LRP1B: variants seen among roughly 807,000 people sequenced by gnomAD.
LRP1B encodes the protein LDL receptor related protein 1B, also known as low-density lipoprotein receptor-related protein 1B.
LRP1B carries 217 observed loss-of-function variants against 556.6 expected under a neutral mutation model. The observed-to-expected ratio is 0.39, with a 90% CI of 0.35 to 0.44. The LOEUF (loss-of-function observed/expected upper bound fraction) is 0.44, where lower values mean the gene tolerates loss of function less well. LRP1B is among the 20% of genes least tolerant of loss of function. The pLI is 1.00. For synonymous variants in LRP1B, 2,047 were observed against 1,865.8 expected, an observed-to-expected ratio of 1.10 and a Z score of -2.50; for missense variants, 5,053 against 5,620.8, an observed-to-expected ratio of 0.90 and a Z score of 3.23.
intron 2 of LRP1B, among the ~76,000 whole-genome samples, chr2:141,793,642 A>G (rs186952016): frequency 2.6e-5 from 4 of 152,052 alleles, no homozygotes; most frequent in Admixed American, 6.6e-5. Context: ...ACTCTTTCCA[A>G]TATATAATTA....
intron 5 of LRP1B, among the ~76,000 whole-genome samples, chr2:141,239,630 G>C (rs1683788119): frequency 6.6e-6 from 1 of 152,050 alleles, no homozygotes; most frequent in Non-Finnish European, 1.5e-5. Flanking sequence ...AGAAAAGTTA[G>C]TTTTCTAATT....
At chr2:140,451,098 C>T (rs72897878) in intron 62 of LRP1B, among the ~76,000 whole-genome samples, 36,555 of 152,064 alleles carry the variant, frequency 0.24, 4,718 homozygotes, top group Non-Finnish European at 0.28. Context: ...CATGCCACCT[C>T]GCCCAGAAAA....
intron 17 of LRP1B, among the ~76,000 whole-genome samples, chr2:140,985,041 ACT>A (rs1224142880): frequency 6.6e-6 from 1 of 152,018 alleles, no homozygotes; most frequent in Non-Finnish European, 1.5e-5. Context: ...GCCCCATAGG[ACT>A]CTAATTTTGT....
At chr2:141,847,442 A>G (rs544734285) in intron 1 of LRP1B, among the ~76,000 whole-genome samples, 108 of 151,534 alleles carry the variant, frequency 7.1e-4, no homozygotes, top group African/African-American at 2.5e-3. Flanking sequence ...TAGACAACTG[A>G]TTTTTTTTAA....
chr2:140,679,905 A>C (rs1376601274), intron 41 of LRP1B, among the ~76,000 whole-genome samples: 4 of 151,616 alleles, frequency 2.6e-5, no homozygotes, highest in African/African-American at 9.7e-5. Context: ...AGGTTTGTTT[A>C]TTTATTTATT....
At chr2:141,635,222 A>G (rs570694907) in intron 2 of LRP1B, among the ~76,000 whole-genome samples, 19 of 152,272 alleles carry the variant, frequency 1.2e-4, no homozygotes, top group African/African-American at 4.3e-4. Context: ...CCTGCATGAT[A>G]ATACTGATTA....
At chr2:141,484,103 C>G (rs1460547799) in intron 2 of LRP1B, among the ~76,000 whole-genome samples, 1 of 151,932 alleles carries the variant, frequency 6.6e-6, no homozygotes, top group Non-Finnish European at 1.5e-5. Flanking sequence ...TTAGGTCTAT[C>G]ATTAAGTCTT....
chr2:141,364,581 TA>T (rs1429045002), intron 3 of LRP1B, among the ~76,000 whole-genome samples: 1 of 152,206 alleles, frequency 6.6e-6, no homozygotes, highest in Non-Finnish European at 1.5e-5. Context: ...AGAAGGCACA[TA>T]ACATAGATTT....
At chr2:141,060,692 T>C (rs1056720233) in intron 8 of LRP1B, among the ~76,000 whole-genome samples, 4 of 151,628 alleles carry the variant, frequency 2.6e-5, no homozygotes, top group Admixed American at 6.6e-5. Flanking sequence ...GTTCACCCAG[T>C]AAAGATAAAA....
chr2:140,473,383 ACTAT>A (rs1006628849), intron 60 of LRP1B, among the ~76,000 whole-genome samples: 94 of 152,088 alleles, frequency 6.2e-4, no homozygotes, highest in African/African-American at 2.1e-3. Context: ...ATCATACTAG[ACTAT>A]CTTTCAGCCA....
intron 11 of LRP1B, among the ~76,000 whole-genome samples, chr2:141,042,212 A>G (rs1247373979): frequency 6.6e-6 from 1 of 152,152 alleles, no homozygotes; most frequent in African/African-American, 2.4e-5. Flanking sequence ...TCTCTGAAGC[A>G]AAAGGCAGGT....
chr2:141,117,190 G>C (rs1050352190), intron 7 of LRP1B, among the ~76,000 whole-genome samples: 1 of 150,008 alleles, frequency 6.7e-6, no homozygotes, highest in African/African-American at 2.4e-5. Context: ...TAAATAGAAA[G>C]ATAATATTGC....
At chr2:141,745,007 C>T (rs76291012) in intron 2 of LRP1B, among the ~76,000 whole-genome samples, 3,458 of 152,158 alleles carry the variant, frequency 0.023, 113 homozygotes, top group African/African-American at 0.07. Context: ...AGGCAGAGAC[C>T]CTAGTTCTTT....
intron 1 of LRP1B, among the ~76,000 whole-genome samples, chr2:141,886,655 A>G (rs554246285): frequency 6.6e-6 from 1 of 152,332 alleles, no homozygotes; most frequent in African/African-American, 2.4e-5. Flanking sequence ...ATCTGAACAT[A>G]GTGAAAAAGT....
Position 141,415,488 on chromosome 2 carries a change from A to C in LRP1B, c.343+64908T>G, listed in dbSNP as rs184541306. ...CTATTGTGCCCAGACTGCCCCAAATAAAATATATTTTTTACAGATCTATAA... is the reference window on the plus strand; with the variant it reads ...CTATTGTGCCCAGACTGCCCCAAATCAAATATATTTTTTACAGATCTATAA... On this transcript the variant is annotated intron_variant, in intron 3 of 90. Transcript: ENST00000389484. 6.8e-4 allele frequency among the ~76,000 whole-genome samples: 103 copies of C among 152,296 alleles called. 2 individuals carry two copies. Among genetic ancestry groups the C allele is most frequent in the South Asian group, 4.3e-3 (21 of 4,828 alleles).
chr2:140,610,266 C>T (rs938731599), intron 41 of LRP1B, among the ~76,000 whole-genome samples: 2 of 152,052 alleles, frequency 1.3e-5, no homozygotes, highest in African/African-American at 4.8e-5. Flanking sequence ...TTAGTTGTTC[C>T]CCTCAAACTG....
At chr2:141,168,072 C>T (rs893878544) in intron 7 of LRP1B, among the ~76,000 whole-genome samples, 4 of 151,844 alleles carry the variant, frequency 2.6e-5, no homozygotes, top group Non-Finnish European at 4.4e-5. Flanking sequence ...AAAACAGAAG[C>T]GATGGGAATC....
intron 82 of LRP1B, among the ~76,000 whole-genome samples, chr2:140,316,512 G>T (rs931338852): frequency 5.3e-5 from 8 of 152,028 alleles, no homozygotes; most frequent in Admixed American, 4.6e-4. Context: ...GATTCAGATT[G>T]GCATTACTGA....
At chr2:141,767,327 A>T (rs1159290092) in intron 2 of LRP1B, among the ~76,000 whole-genome samples, 1 of 152,120 alleles carries the variant, frequency 6.6e-6, no homozygotes, top group Non-Finnish European at 1.5e-5. Flanking sequence ...GATAGCTTAC[A>T]TAAGCACTTC....
Sources: allele counts gnomAD v4.1 joint callset (sites outside exome capture counted in the v4.1 genomes callset), GRCh38; gene constraint gnomAD v4.1.1; transcripts MANE v1.5; gene names NCBI Gene and HGNC (gene_info 2026-07-23, HGNC 2026-07-21).